The following HMCN1 variants were observed in gnomAD, a reference collection of about 807,000 sequenced individuals.
HMCN1 encodes the protein hemicentin-1.
Under a neutral mutation model 625.9 loss-of-function variants are expected in HMCN1, and 321 were observed. That is an observed-to-expected ratio of 0.51 (90% CI 0.47 to 0.56). HMCN1 has a LOEUF of 0.56. Ranked by LOEUF, HMCN1 falls within the 20% of genes least tolerant of loss-of-function variation. The pLI, the probability that HMCN1 is intolerant of heterozygous loss-of-function variation, is 0.00. For missense variants in HMCN1, 6,588 were observed against 6,887.3 expected, an observed-to-expected ratio of 0.96 and a Z score of 1.54; for synonymous variants, 2,425 against 2,417.6, an observed-to-expected ratio of 1.00 and a Z score of -0.09.
Position 185,963,908 on chromosome 1 carries a change from A to T in HMCN1, c.2098+13A>T. The T allele has an allele frequency of 6.2e-7, 1 of 1,608,426 alleles. No homozygotes were observed. Among genetic ancestry groups the T allele is most frequent in the Non-Finnish European group, 8.5e-7 (1 of 1,175,164 alleles). Reference sequence around the variant, plus strand: ...CTCAGATACATTGGCAAGTATAATCACTTTAAAAGGCAATTAAAATAGGAT... The same window carrying T: ...CTCAGATACATTGGCAAGTATAATCTCTTTAAAAGGCAATTAAAATAGGAT... On this transcript the variant is annotated intron_variant, in intron 13 of 106. Coordinates refer to ENST00000271588, the MANE Select transcript of HMCN1 (RefSeq NM_031935.3).
intron 70 of HMCN1, among the ~76,000 whole-genome samples, chr1:186,107,982 G>A (rs1039338503): frequency 6.8e-6 from 1 of 148,094 alleles, no homozygotes; most frequent in Admixed American, 6.8e-5. Context: ...AACTGTCTGG[G>A]ATTTAAGTGC....
intron 1 of HMCN1, among the ~76,000 whole-genome samples, chr1:185,814,672 TA>T (rs909295809): frequency 2.8e-5 from 4 of 140,664 alleles, no homozygotes; most frequent in East Asian, 1.9e-4. Flanking sequence ...ACTTAATATT[TA>T]TTTTTTTTAA....
In HMCN1 at chr1:185,880,249, A is replaced by G. The variant is rs1374166080; in HGVS notation, c.621+14386A>G. Among the ~76,000 whole-genome samples, 239 of 152,196 alleles carry G rather than the reference A, an allele frequency of 1.6e-3. 7 individuals carry two copies. Among genetic ancestry groups the G allele is most frequent in the Non-Finnish European group, 1.8e-4 (12 of 68,038 alleles). On this transcript the variant is annotated intron_variant, in intron 4 of 106. Transcript: ENST00000271588. ...GAAGTCACGGTGAAGACTTTGGTCT[A>G]GAAGAATCCATAAAAGCTCAGATTG...
chr1:186,175,641 T>A (rs55844279), intron 103 of HMCN1, among the ~76,000 whole-genome samples: 7,752 of 152,144 alleles, frequency 0.051, 219 homozygotes, highest in South Asian at 0.087. Flanking sequence ...GTTGTATTTA[T>A]TCACCAATTT....
chr1:185,967,547 C>T (rs1159883829), intron 14 of HMCN1, among the ~76,000 whole-genome samples: 1 of 152,062 alleles, frequency 6.6e-6, no homozygotes, highest in Non-Finnish European at 1.5e-5. Flanking sequence ...GCTGCCCTGA[C>T]CTCCAGGATC....
At chr1:185,971,798 C>T (rs1275452855) in intron 15 of HMCN1, among the ~76,000 whole-genome samples, 2 of 152,116 alleles carry the variant, frequency 1.3e-5, no homozygotes, top group Non-Finnish European at 2.9e-5. Flanking sequence ...ACTCTGCATT[C>T]TTGGTGATTA....
chr1:186,019,779 G>C (rs937873659), intron 35 of HMCN1, 84 bp downstream of exon 35: 2 of 1,201,112 alleles, frequency 1.7e-6, no homozygotes, highest in Non-Finnish European at 2.4e-6. Flanking sequence ...CTTAACTGTA[G>C]ATTTTCCTGT....
At position 186,108,452 on chromosome 1, in the gene HMCN1, C is replaced by T. The variant is rs747246465; in HGVS notation, c.10853-9C>T. On this transcript the variant is annotated splice_polypyrimidine_tract_variant and intron_variant, in intron 70 of 106. Transcript: ENST00000271588. ...AGATTGCTTTTGTTGTATTTGTTCT[C>T]ACACCCAGTACCTCCTAATATTGCT... 8 of 1,613,926 alleles carry T rather than the reference C, an allele frequency of 5.0e-6. No individual in the cohort carries two copies. The highest frequency in any genetic ancestry group is 1.1e-5 in the South Asian group (1 of 91,088).
intron 11 of HMCN1, among the ~76,000 whole-genome samples, chr1:185,940,927 T>C (rs749886049): frequency 7.2e-5 from 11 of 152,150 alleles, no homozygotes; most frequent in Non-Finnish European, 1.6e-4. Context: ...CCACGTCAGC[T>C]AATTTTGTAT....
At chr1:185,924,919 T>C in intron 8 of HMCN1, 128 bp from the exon 9 acceptor site, 1 of 867,358 alleles carries the variant, frequency 1.2e-6, no homozygotes, top group Non-Finnish European at 1.9e-6. Flanking sequence ...TCTGGGTTAA[T>C]TGGAATGCAG....
intron 77 of HMCN1, 119 bp from the exon 78 acceptor site, chr1:186,119,072 T>G (rs972361317): frequency 1.3e-6 from 1 of 749,638 alleles, no homozygotes; most frequent in Non-Finnish European, 2.4e-6. Context: ...GATACAAGTA[T>G]GAATATAAGC....
Position 186,136,814 on chromosome 1 carries a change from A to T in HMCN1, c.13459A>T (p.Asn4487Tyr). 1 of 1,614,090 alleles carries T rather than the reference A, an allele frequency of 6.2e-7. No homozygotes were observed. The highest frequency in any genetic ancestry group is 8.5e-7 in the Non-Finnish European group (1 of 1,179,974). The change falls in exon 87 of 107, where the codon AAC (asparagine) becomes TAC (tyrosine). Residue 4487 changes from asparagine (N) to tyrosine (Y), a missense_variant. By Grantham distance (143) the Asn-to-Tyr change is moderately radical. Around this residue, in one of 3 missense-constraint regions of HMCN1, gnomAD observed 1,954 missense variants for 2,013.1 expected, o/e 0.97. Transcript: ENST00000271588. ...GHSISWDDRV[N>Y]VLSNNSLYIA... Reference sequence around the variant, plus strand: ...CTCTATTTCCTGGGATGACCGGGTTAACGTGTTGTCCAACAACTCATTATA... The same window carrying T: ...CTCTATTTCCTGGGATGACCGGGTTTACGTGTTGTCCAACAACTCATTATA...
Position 186,187,758 on chromosome 1 carries a change from C to A in HMCN1, c.16415-125C>A, listed in dbSNP as rs1571488033. ...TGTGGTTAAAGAAGGTTAGGTATGA[C>A]TAAGTTCATTCATGGCAGGAGAAGG... On this transcript the variant is annotated intron_variant, in intron 105 of 106. Coordinates refer to ENST00000271588, the MANE Select transcript of HMCN1 (RefSeq NM_031935.3). 9 of 1,282,998 alleles carry A rather than the reference C, an allele frequency of 7.0e-6. No individual in the cohort carries two copies. The East Asian group carries it at 2.1e-4, about 30-fold the overall frequency. 79.5% of individuals were successfully genotyped at this position (1,282,998 alleles called of 1,614,324 possible).
At chr1:186,029,559 T>C (rs1655283363) in intron 36 of HMCN1, among the ~76,000 whole-genome samples, 1 of 151,656 alleles carries the variant, frequency 6.6e-6, no homozygotes, top group African/African-American at 2.4e-5. Flanking sequence ...TTTATTTCTG[T>C]AAGATTGCGG....
chr1:185,810,652 CTTTGTG>C (rs1401709120), intron 1 of HMCN1, among the ~76,000 whole-genome samples: 3 of 120,844 alleles, frequency 2.5e-5, no homozygotes, highest in South Asian at 2.6e-4. Flanking sequence ...TAAATATCAA[CTTTGTG>C]TGTGTGTGTG....
intron 1 of HMCN1, among the ~76,000 whole-genome samples, chr1:185,838,888 A>G (rs986515110): frequency 6.6e-6 from 1 of 152,198 alleles, no homozygotes; most frequent in East Asian, 1.9e-4. Flanking sequence ...GAATGAATTG[A>G]AGCAAGTATT....
chr1:186,061,780 A>G, intron 46 of HMCN1, 71 bp from the exon 47 acceptor site: 1 of 966,976 alleles, frequency 1.0e-6, no homozygotes, highest in East Asian at 2.5e-5. Flanking sequence ...GAAATTGAGC[A>G]TCACTTGGAT....
intron 1 of HMCN1, among the ~76,000 whole-genome samples, chr1:185,794,999 T>C (rs1406510199): frequency 6.6e-6 from 1 of 152,230 alleles, no homozygotes; most frequent in Admixed American, 6.5e-5. Flanking sequence ...TTAAGGTCAC[T>C]GTCTATTTCT....
At chr1:186,169,957 C>T (rs1652116721) in intron 100 of HMCN1, among the ~76,000 whole-genome samples, 1 of 150,136 alleles carries the variant, frequency 6.7e-6, no homozygotes, top group South Asian at 2.1e-4. Context: ...CCAGAATCTA[C>T]AAGGAACTTA....
Sources: allele counts gnomAD v4.1 joint callset (sites outside exome capture counted in the v4.1 genomes callset), GRCh38; gene constraint gnomAD v4.1.1; regional missense constraint gnomAD v4.1.1; transcripts MANE v1.5; gene names NCBI Gene and HGNC (gene_info 2026-07-23, HGNC 2026-07-21).